CAV1: variants seen among roughly 807,000 people sequenced by gnomAD.
CAV1 encodes the protein caveolin 1, also known as caveolin-1.
Under a neutral mutation model 16.5 loss-of-function variants are expected in CAV1, and 10 were observed. The ratio of observed to expected loss-of-function variants is 0.61; its 90% CI spans 0.37 to 1.03. The LOEUF (loss-of-function observed/expected upper bound fraction) is 1.03, where lower values mean the gene tolerates loss of function less well. Among genes scored for constraint, CAV1 ranks in the 50% least tolerant of loss-of-function variants. The pLI is 0.01. For missense variants in CAV1, 212 were observed against 232.8 expected (o/e 0.91, Z 0.58); for synonymous variants, 76 against 85.1 (o/e 0.89, Z 0.59).
At chr7:116,525,845 T>A (rs1184343892) in intron 1 of CAV1, 1 of 996,772 alleles carries the variant, frequency 1.0e-6, no homozygotes, top group Non-Finnish European at 1.2e-6. Flanking sequence ...GTCTGGTGCC[T>A]GGCTCCGCCA....
intron 2 of CAV1, among the ~76,000 whole-genome samples, chr7:116,539,733 G>A (rs191871066): frequency 2.0e-5 from 3 of 152,194 alleles, no homozygotes; most frequent in Non-Finnish European, 4.4e-5. Context: ...GCAAGCTGTG[G>A]CATCCAGATG....
chr7:116,533,036 A>G (rs1793716265), intron 2 of CAV1, among the ~76,000 whole-genome samples: 1 of 152,186 alleles, frequency 6.6e-6, no homozygotes, highest in Admixed American at 6.6e-5. Context: ...TTTGTCTAAA[A>G]GCAGTTAATA....
chr7:116,544,832 G>A (rs1210197396), intron 2 of CAV1, among the ~76,000 whole-genome samples: 3 of 152,118 alleles, frequency 2.0e-5, no homozygotes, highest in Non-Finnish European at 4.4e-5. Flanking sequence ...CCCTTCCTTG[G>A]TAATAATTCC....
At chr7:116,534,395 A>ATATATATATATATATATTTTT (rs1442237865) in intron 2 of CAV1, among the ~76,000 whole-genome samples, 1 of 7,838 alleles carries the variant, frequency 1.3e-4, no homozygotes, top group Non-Finnish European at 2.6e-4. Context: ...ATATATATAT[A>ATATATATATATATATATTTTT]TTTTTTTTTT....
In CAV1 at chr7:116,559,583, T is replaced by A; in HGVS notation, c.*296T>A. 2.1e-6 allele frequency: 1 copy of A among 485,778 alleles called. No individual in the cohort carries two copies. The highest frequency in any genetic ancestry group is 3.6e-6 in the Non-Finnish European group (1 of 279,462). 30.1% of individuals were successfully genotyped at this position (485,778 alleles called of 1,614,324 possible). A position where few individuals can be genotyped will look rare whatever the true frequency, so the allele number is the denominator to read the frequency against. On this transcript the variant is annotated 3_prime_UTR_variant, in exon 3 of 3. Transcript: ENST00000341049. ...GAGATATGAACATATTGTTGAAAGG[T>A]AATTTGAGAGAAATATGAAGAACTG...
chr7:116,528,398 G>A (rs1793615562), intron 2 of CAV1, among the ~76,000 whole-genome samples: 2 of 152,124 alleles, frequency 1.3e-5, no homozygotes, highest in Admixed American at 1.3e-4. Flanking sequence ...GCAAGTGTGG[G>A]GATCCTCAAA....
rs761716987 is a variant in CAV1 at position 116,559,287 on chromosome 7, A to C, written c.537A>C (p.Ter179TyrextTer6). The change falls in exon 3 of 3, where the codon TAA (stop) becomes TAC (tyrosine). Residue 179 changes from the stop codon to tyrosine (Y), a stop_lost. Transcript: ENST00000341049. ...GCATCAACTTGCAGAAAGAAATATA[A>C]ATGACATTTCAAGGATAGAAGTATA... Reference protein sequence around the residue: ...NVRINLQKEI* With the variant: ...NVRINLQKEIY 6.2e-7 allele frequency: 1 copy of C among 1,608,956 alleles called. No homozygotes were observed. The highest frequency in any genetic ancestry group is 8.5e-7 in the Non-Finnish European group (1 of 1,175,520).
rs1211162758 is a variant in CAV1, at chr7:116,548,528, G to A, written c.196-10418G>A. ...GTGGAAATGGTTATTTGCAGAGTTA[G>A]AGAAGGCATGTTTTACAGTTTGGAT... is the stretch of plus-strand genomic sequence containing the variant. On this transcript the variant is annotated intron_variant, in intron 2 of 2. Coordinates refer to ENST00000341049, the MANE Select transcript of CAV1 (RefSeq NM_001753.5). Among the ~76,000 whole-genome samples the A allele has an allele frequency of 2.0e-5, 3 of 152,214 alleles. No homozygotes were observed. In the East Asian group the frequency reaches 5.8e-4, roughly 29 times the overall value.
chr7:116,546,206 C>T (rs540395012), intron 2 of CAV1, among the ~76,000 whole-genome samples: 2 of 152,186 alleles, frequency 1.3e-5, no homozygotes, highest in South Asian at 4.1e-4. Context: ...CAAATTGACA[C>T]CAGAGGACAA....
intron 2 of CAV1, among the ~76,000 whole-genome samples, chr7:116,542,151 C>A: frequency 6.6e-6 from 1 of 152,216 alleles, no homozygotes; most frequent in East Asian, 1.9e-4. Flanking sequence ...GAAGCATTAT[C>A]TGTATGGCAA....
chr7:116,526,596 C>G lies in CAV1; in HGVS notation c.102C>G (p.Asp34Glu). The change falls in exon 2 of 3, where the codon GAC becomes GAG. Residue 34 changes from aspartate to glutamate, a missense_variant. Coordinates refer to ENST00000341049, the MANE Select transcript of CAV1 (RefSeq NM_001753.5). ...IYKPNNKAMA[D>E]ELSEKQVYDA... ...AGCCCAACAACAAGGCCATGGCAGA[C>G]GAGCTGAGCGAGAAGCAAGTGTACG... 6.2e-7 allele frequency: 1 copy of G among 1,614,160 alleles called. No homozygotes were observed. The highest frequency in any genetic ancestry group is 1.1e-5 in the South Asian group (1 of 91,082).
intron 2 of CAV1, 100 bp downstream of exon 2, chr7:116,526,789 C>A: frequency 7.6e-7 from 1 of 1,322,416 alleles, no homozygotes; most frequent in East Asian, 2.5e-5. Context: ...ACACCCCACC[C>A]CGCCCCCTAC....
chr7:116,550,003 T>C (rs148825796), intron 2 of CAV1, among the ~76,000 whole-genome samples: 90 of 152,282 alleles, frequency 5.9e-4, no homozygotes, highest in African/African-American at 2.1e-3. Flanking sequence ...AAAAGTGATT[T>C]AGATCTTCAC....
At chr7:116,534,384 TATA>T (rs1464602040) in intron 2 of CAV1, among the ~76,000 whole-genome samples, 28 of 13,528 alleles carry the variant, frequency 2.1e-3, no homozygotes, top group East Asian at 5.2e-3. Context: ...TATATATATA[TATA>T]TATATATATT....
intron 2 of CAV1, among the ~76,000 whole-genome samples, chr7:116,548,083 T>A (rs1267460828): frequency 2.6e-5 from 4 of 152,202 alleles, no homozygotes; most frequent in Non-Finnish European, 5.9e-5. Flanking sequence ...GAATGAAGCC[T>A]AAGGTATCCT....
chr7:116,526,747 C>G, intron 2 of CAV1, 58 bp downstream of exon 2: 1 of 1,600,296 alleles, frequency 6.2e-7, no homozygotes, highest in South Asian at 1.1e-5. Context: ...GCAGTTAGCC[C>G]GTGCATCCTT....
intron 2 of CAV1, among the ~76,000 whole-genome samples, chr7:116,555,515 A>G (rs1562838125): frequency 8.2e-3 from 82 of 10,058 alleles, no homozygotes; most frequent in South Asian, 0.026. Flanking sequence ...AAAGAAAGAA[A>G]GAAAGAGAGA....
At chr7:116,553,454 A>T (rs117052851) in intron 2 of CAV1, among the ~76,000 whole-genome samples, 5,023 of 152,198 alleles carry the variant, frequency 0.033, 132 homozygotes, top group Non-Finnish European at 0.051. Context: ...ATCTGTTGAC[A>T]CACAAAAATA....
At chr7:116,529,114 G>C (rs1008378425) in intron 2 of CAV1, among the ~76,000 whole-genome samples, 14 of 152,216 alleles carry the variant, frequency 9.2e-5, no homozygotes, top group Admixed American at 2.0e-4. Context: ...ACAGATGTGA[G>C]CCACTACACC....
Sources: allele counts gnomAD v4.1 joint callset (sites outside exome capture counted in the v4.1 genomes callset), GRCh38; gene constraint gnomAD v4.1.1; transcripts MANE v1.5; gene names NCBI Gene and HGNC (gene_info 2026-07-23, HGNC 2026-07-21).